Variants in EFCC1 observed in about 807,000 individuals in gnomAD.
EFCC1 encodes the protein EF-hand and coiled-coil domain containing 1.
Under a neutral mutation model 52.1 loss-of-function variants are expected in EFCC1, and 50 were observed. That is an observed-to-expected ratio of 0.96 (90% CI 0.76 to 1.21). EFCC1 has a LOEUF of 1.21. Among genes scored for constraint, EFCC1 ranks in the 50% most tolerant of loss-of-function variants. EFCC1 has a pLI of 0.00. For synonymous variants in EFCC1, 399 were observed against 396.5 expected, an observed-to-expected ratio of 1.01 and a Z score of -0.08; for missense variants, 837 against 867.3, an observed-to-expected ratio of 0.97 and a Z score of 0.44.
intron 5 of EFCC1, among the ~76,000 whole-genome samples, chr3:129,035,236 C>A (rs989189473): frequency 5.3e-5 from 8 of 152,276 alleles, no homozygotes; most frequent in African/African-American, 9.6e-5. Context: ...AAAAATGATA[C>A]CAGCTGACTT....
At position 129,003,962 on chromosome 3, in the gene EFCC1, C is replaced by T. The variant is rs1944934885; in HGVS notation, c.865C>T (p.Arg289Trp). Residue 289 changes from arginine to tryptophan, a missense_variant, in exon 2 of 8, where the codon CGG (arginine) becomes TGG (tryptophan). By Grantham distance (101) the Arg-to-Trp change is moderately radical. Coordinates refer to ENST00000683648, the MANE Select transcript of EFCC1 (RefSeq NM_001377500.1). ...GGTGCGGCGGCGCGCGGAGGAGGCC[C>T]GGCAGGTGGTGCTGCGCAGCCTGCA... ...AEVRRRAEEA[R>W]QVVLRSLHRV... 3 of 1,446,396 alleles carry T rather than the reference C, an allele frequency of 2.1e-6. No homozygotes were observed. Among genetic ancestry groups the T allele is most frequent in the Non-Finnish European group, 2.7e-6 (3 of 1,105,442 alleles). 89.6% of individuals were successfully genotyped at this position (1,446,396 alleles called of 1,614,324 possible). A position where few individuals can be genotyped will look rare whatever the true frequency, so the allele number is the denominator to read the frequency against.
At position 129,001,368 on chromosome 3, in the gene EFCC1, C is replaced by A. The variant is rs1035971616; in HGVS notation, c.-261C>A. ...TGGGAGTCACGCGGAGAAGCCAGAC[C>A]CAGACGCCGACCGGGCACTGGTGGC... is the stretch of plus-strand genomic sequence containing the variant. On this transcript the variant is annotated 5_prime_UTR_variant, in exon 1 of 8. Transcript: ENST00000683648. 1.3e-5 allele frequency among the ~76,000 whole-genome samples: 2 copies of A among 152,212 alleles called. No homozygotes were observed. The highest frequency in any genetic ancestry group is 4.8e-5 in the African/African-American group (2 of 41,464).
In EFCC1 at chr3:129,034,320, TGAG is replaced by T. The variant is rs751126757; in HGVS notation, c.1451_1452+1del. ...GCGGTGGGAGGACCCTGGGGACCTC[TGAG>T]GAGGAGGTCAGCAGAGCCTAGAGAT... is the stretch of plus-strand genomic sequence containing the variant. On this transcript the variant is annotated inframe_deletion, in exon 5 of 8. Transcript: ENST00000683648. The T allele has an allele frequency of 5.0e-6, 8 of 1,613,694 alleles. No individual in the cohort carries two copies. The Admixed American group carries it at 1.3e-4, about 27-fold the overall frequency.
chr3:129,007,272 T>C (rs554392986), intron 2 of EFCC1, among the ~76,000 whole-genome samples: 1 of 152,350 alleles, frequency 6.6e-6, no homozygotes, highest in African/African-American at 2.4e-5. Flanking sequence ...GAAGCTCAGA[T>C]GTCCGTGACT....
chr3:129,001,789 G>T lies in EFCC1; in HGVS notation c.161G>T (p.Gly54Val). 6.5e-7 allele frequency: 1 copy of T among 1,544,398 alleles called. No homozygotes were observed. The change falls in exon 1 of 8, where the codon GGC becomes GTC. Residue 54 changes from glycine (G) to valine (V), a missense_variant. Gly to Val is a moderately radical substitution (Grantham distance 109). Transcript: ENST00000683648. ...VENEIVVLATGLDQYLQEVFH... is the reference protein window; with the variant it reads ...VENEIVVLATVLDQYLQEVFH... ...AACGAGATCGTGGTGCTGGCCACCG[G>T]CCTGGACCAGTACCTGCAGGAGGTC...
At position 129,039,967 on chromosome 3, in the gene EFCC1, C is replaced by A; in HGVS notation, c.*119C>A. Reference sequence around the variant, plus strand: ...ACCGTCACATCATCAGAACTTGAGTCTCTGCTGGCTCCTTCCAAGGTTAAG... The same window carrying A: ...ACCGTCACATCATCAGAACTTGAGTATCTGCTGGCTCCTTCCAAGGTTAAG... On this transcript the variant is annotated 3_prime_UTR_variant, in exon 8 of 8. Transcript: ENST00000683648. The A allele has an allele frequency of 7.6e-7, 1 of 1,324,450 alleles. No individual in the cohort carries two copies. Among genetic ancestry groups the A allele is most frequent in the Non-Finnish European group, 1.0e-6 (1 of 1,003,790 alleles). The allele number at this position is 1,324,450 out of a possible 1,614,324, so 82.0% of individuals were successfully genotyped here. A position where few individuals can be genotyped will look rare whatever the true frequency, so the allele number is the denominator to read the frequency against.
chr3:129,024,959 C>T (rs183830423), intron 2 of EFCC1, among the ~76,000 whole-genome samples: 5 of 152,242 alleles, frequency 3.3e-5, no homozygotes, highest in African/African-American at 7.2e-5. Context: ...CCAAACCCAG[C>T]GGCCACTCTT....
chr3:129,018,231 G>A (rs941234452), intron 2 of EFCC1, among the ~76,000 whole-genome samples: 2 of 152,154 alleles, frequency 1.3e-5, no homozygotes, highest in African/African-American at 4.8e-5. Flanking sequence ...TCCATAGGGA[G>A]ACAAATTGTC....
chr3:129,023,880 C>T (rs985725241), intron 2 of EFCC1, among the ~76,000 whole-genome samples: 1 of 152,202 alleles, frequency 6.6e-6, no homozygotes, highest in Non-Finnish European at 1.5e-5. Flanking sequence ...AATGGTAGGA[C>T]TCAACCCATG....
intron 2 of EFCC1, among the ~76,000 whole-genome samples, chr3:129,025,362 C>T (rs533993588): frequency 9.9e-5 from 15 of 152,156 alleles, no homozygotes; most frequent in African/African-American, 1.7e-4. Context: ...AGCAGTCTCC[C>T]GGAAGCCACG....
At chr3:129,039,020 C>T in intron 7 of EFCC1, 120 bp downstream of exon 7, 3 of 912,286 alleles carry the variant, frequency 3.3e-6, no homozygotes, top group Non-Finnish European at 3.5e-6. Flanking sequence ...TTATTCCTGC[C>T]CTGCATGCTT....
Position 129,040,244 on chromosome 3 carries a change from T to G in EFCC1, c.*396T>G. On this transcript the variant is annotated 3_prime_UTR_variant, in exon 8 of 8. Transcript: ENST00000683648. The surrounding 1 kb of genome is among the most constrained non-coding windows in gnomAD (Gnocchi z 4.4). ...CTCCTCCCCTCCCAGCACTGTCTCC[T>G]TCCTCCCACTGGCATGCCTGCTGCA... 1 of 186,898 alleles carries G rather than the reference T, an allele frequency of 5.4e-6. No homozygotes were observed. The allele number at this position is 186,898 out of a possible 1,614,324, so 11.6% of individuals were successfully genotyped here. A position where few individuals can be genotyped will look rare whatever the true frequency, so the allele number is the denominator to read the frequency against.
intron 2 of EFCC1, among the ~76,000 whole-genome samples, chr3:129,026,457 A>T (rs1283157051): frequency 6.6e-6 from 1 of 152,194 alleles, no homozygotes; most frequent in Admixed American, 6.5e-5. Flanking sequence ...GAAGTCCCTT[A>T]CCTGCTGACA....
Position 129,033,084 on chromosome 3 carries a change from G to A in EFCC1, c.1286+118G>A, listed in dbSNP as rs560523123. 2.6e-4 allele frequency: 352 copies of A among 1,370,246 alleles called. 7 individuals carry two copies. In the South Asian group the frequency reaches 3.3e-3, roughly 13 times the overall value. The allele number at this position is 1,370,246 out of a possible 1,614,324, so 84.9% of individuals were successfully genotyped here. ...CTCAGCCACCTCCCAGCCCCTCTGC[G>A]ACTCTGTCCCCTTGTCCCTCAGGGG... is the stretch of plus-strand genomic sequence containing the variant. On this transcript the variant is annotated intron_variant, in intron 4 of 7. Coordinates refer to ENST00000683648, the MANE Select transcript of EFCC1 (RefSeq NM_001377500.1).
intron 2 of EFCC1, among the ~76,000 whole-genome samples, chr3:129,013,825 A>G (rs1017921009): frequency 3.3e-5 from 5 of 152,200 alleles, no homozygotes; most frequent in Non-Finnish European, 7.4e-5. Flanking sequence ...AACAGTAGTC[A>G]GGGGGCTGGA....
intron 2 of EFCC1, among the ~76,000 whole-genome samples, chr3:129,009,686 T>G (rs1945230933): frequency 6.6e-6 from 1 of 152,200 alleles, no homozygotes; most frequent in Non-Finnish European, 1.5e-5. Context: ...AACACACCCC[T>G]TTGCCCCTCT....
At chr3:129,031,044 G>A (rs1387429870) in intron 3 of EFCC1, among the ~76,000 whole-genome samples, 184 bp downstream of exon 3, 1 of 152,182 alleles carries the variant, frequency 6.6e-6, no homozygotes, top group Non-Finnish European at 1.5e-5. Context: ...AAGAACCTGG[G>A]CCTAGAGAAT....
At chr3:129,038,728 C>G (rs1356783653) in intron 6 of EFCC1, 103 bp from the exon 7 acceptor site, 2 of 1,146,498 alleles carry the variant, frequency 1.7e-6, no homozygotes, top group Non-Finnish European at 2.6e-6. Context: ...TTTATCTGTC[C>G]CCAGGGAGCT....
At chr3:129,039,274 G>A (rs1330973822) in intron 7 of EFCC1, among the ~76,000 whole-genome samples, 5 of 152,250 alleles carry the variant, frequency 3.3e-5, no homozygotes, top group Non-Finnish European at 5.9e-5. Flanking sequence ...GGCCACGCCC[G>A]AGGCTGGGGC....
Sources: gnomAD v4.1 joint callset for allele counts (sites outside exome capture counted in the v4.1 genomes callset) on GRCh38, gnomAD v4.1.1 for gene constraint, Gnocchi (gnomAD v3.1) non-coding constraint, MANE v1.5 for transcripts, NCBI Gene and HGNC (gene_info 2026-07-23, HGNC 2026-07-21) for gene names.